PDS5B: variants seen among roughly 807,000 people sequenced by gnomAD.
PDS5B encodes the protein sister chromatid cohesion protein PDS5 homolog B.
A neutral mutation model predicts 184.1 loss-of-function variants in PDS5B; 51 were observed. The ratio of observed to expected loss-of-function variants is 0.28; its 90% CI spans 0.22 to 0.35. PDS5B has a LOEUF of 0.35. Among genes scored for constraint, PDS5B ranks in the 10% least tolerant of loss-of-function variants. The probability of loss-of-function intolerance (pLI) is 1.00; values close to 1 mark genes in which losing one functional copy is unlikely to be tolerated. For missense variants in PDS5B, 1,180 were observed against 1,723.3 expected (o/e 0.68, Z 5.58); for synonymous variants, 566 against 569.2 (o/e 0.99, Z 0.08).
chr13:32,677,526 A>C (rs1951104787), intron 9 of PDS5B, among the ~76,000 whole-genome samples: 1 of 152,074 alleles, frequency 6.6e-6, no homozygotes, highest in Admixed American at 6.6e-5. Context: ...TAGTATATTT[A>C]TTTTTAATTG....
At chr13:32,737,067 T>C (rs1334274599) in intron 21 of PDS5B, among the ~76,000 whole-genome samples, 1 of 152,222 alleles carries the variant, frequency 6.6e-6, no homozygotes, top group Non-Finnish European at 1.5e-5. Flanking sequence ...CTTGATCTCT[T>C]GTAACTTTTG....
chr13:32,685,328 G>A (rs1013872897), intron 11 of PDS5B, among the ~76,000 whole-genome samples: 3 of 152,294 alleles, frequency 2.0e-5, no homozygotes, highest in Admixed American at 6.5e-5. Flanking sequence ...GGGCCAAAAG[G>A]CATGAAGAGG....
intron 16 of PDS5B, 39 bp from the exon 17 acceptor site, chr13:32,701,284 A>T: frequency 9.5e-7 from 1 of 1,047,316 alleles, no homozygotes; most frequent in Non-Finnish European, 1.5e-6. Context: ...TGATTTGTTT[A>T]AATGTACTTT....
At chr13:32,615,687 G>T (rs1245549954) in intron 1 of PDS5B, among the ~76,000 whole-genome samples, 1 of 152,112 alleles carries the variant, frequency 6.6e-6, no homozygotes, top group African/African-American at 2.4e-5. Flanking sequence ...TTAAATTCCA[G>T]CTGTATCAAA....
intron 1 of PDS5B, among the ~76,000 whole-genome samples, chr13:32,619,997 C>T (rs546873638): frequency 6.6e-6 from 1 of 152,128 alleles, no homozygotes; most frequent in East Asian, 1.9e-4. Context: ...CAGGGTTTCA[C>T]TATGTTGGCC....
chr13:32,743,290 T>A (rs920180795), intron 23 of PDS5B, among the ~76,000 whole-genome samples: 1 of 147,032 alleles, frequency 6.8e-6, no homozygotes, highest in African/African-American at 2.5e-5. Context: ...TAAGTTGCTT[T>A]AACTTCTTGG....
chr13:32,678,532 G>A (rs1469047227), intron 9 of PDS5B, among the ~76,000 whole-genome samples: 1 of 152,142 alleles, frequency 6.6e-6, no homozygotes, highest in African/African-American at 2.4e-5. Flanking sequence ...AGATGTATTT[G>A]AGAGTATAAC....
chr13:32,771,058 G>T, intron 33 of PDS5B: 1 of 244,304 alleles, frequency 4.1e-6, no homozygotes, highest in Non-Finnish European at 7.7e-6. Flanking sequence ...ACCACACATT[G>T]ACCAGGTTGC....
chr13:32,589,174 C>G (rs2057735681), intron 1 of PDS5B, among the ~76,000 whole-genome samples: 2 of 152,170 alleles, frequency 1.3e-5, no homozygotes, highest in South Asian at 4.1e-4. Context: ...AAATTAGGTT[C>G]AGATTTTAAT....
At position 32,770,989 on chromosome 13, in the gene PDS5B, T is replaced by C. The variant is rs1032496442; in HGVS notation, c.4172+228T>C. On this transcript the variant is annotated intron_variant, in intron 33 of 34. Transcript: ENST00000315596. The stretch of plus-strand genomic sequence containing the variant: ...TCATAAATGAATACCAAATAGTATA[T>C]TATTTCCTATACAGACTTTATGATA... The C allele has an allele frequency of 1.4e-5, 7 of 511,684 alleles. No homozygotes were observed. In the Middle Eastern group the frequency reaches 1.6e-3, roughly 116 times the overall value. 31.7% of individuals were successfully genotyped at this position (511,684 alleles called of 1,614,324 possible).
At chr13:32,698,467 A>G (rs1182253503) in intron 15 of PDS5B, among the ~76,000 whole-genome samples, 1 of 152,158 alleles carries the variant, frequency 6.6e-6, no homozygotes, top group Non-Finnish European at 1.5e-5. Context: ...ACTTATAAAA[A>G]CATTCCATTT....
Position 32,639,196 on chromosome 13 carries a change from G to A in PDS5B, c.-19-9558G>A, listed in dbSNP as rs534462367. On this transcript the variant is annotated intron_variant, in intron 1 of 34. Coordinates refer to ENST00000315596, the MANE Select transcript of PDS5B (RefSeq NM_015032.4). Reference sequence around the variant, plus strand: ...GTGCGGTTAGAAACTGATGCAGGTCGAGATATTCCAGGGCCTGGGGCTCCT... The same window carrying A: ...GTGCGGTTAGAAACTGATGCAGGTCAAGATATTCCAGGGCCTGGGGCTCCT... 4.6e-5 allele frequency among the ~76,000 whole-genome samples: 7 copies of A among 152,212 alleles called. No individual in the cohort carries two copies. The South Asian group carries it at 1.2e-3, about 27-fold the overall frequency.
intron 13 of PDS5B, among the ~76,000 whole-genome samples, chr13:32,693,635 GT>G (rs1254746881): frequency 1.3e-5 from 2 of 150,002 alleles, no homozygotes; most frequent in African/African-American, 4.9e-5. Context: ...GTAACCAAGT[GT>G]TTCATTAATT....
chr13:32,659,713 G>A (rs1375387250), intron 6 of PDS5B, among the ~76,000 whole-genome samples: 1 of 152,112 alleles, frequency 6.6e-6, no homozygotes, highest in African/African-American at 2.4e-5. Flanking sequence ...TCTTGCCTGC[G>A]TGATTAATTA....
intron 26 of PDS5B, among the ~76,000 whole-genome samples, chr13:32,756,207 A>G (rs1056126090): frequency 1.1e-4 from 17 of 152,038 alleles, no homozygotes; most frequent in Admixed American, 9.2e-4. Context: ...TTCCTTTTCT[A>G]TTGAAGTAAT....
At chr13:32,588,509 AGG>A in intron 1 of PDS5B, among the ~76,000 whole-genome samples, 1 of 152,296 alleles carries the variant, frequency 6.6e-6, no homozygotes, top group African/African-American at 2.4e-5. Context: ...GTTTACTTAA[AGG>A]TATATTTTAA....
At chr13:32,692,441 T>G (rs1215575032) in intron 13 of PDS5B, among the ~76,000 whole-genome samples, 1 of 141,708 alleles carries the variant, frequency 7.1e-6, no homozygotes, top group African/African-American at 2.6e-5. Context: ...TTTTTTTTTT[T>G]TGAGATAGAG....
chr13:32,765,213 A>G (rs1344520120), intron 31 of PDS5B, among the ~76,000 whole-genome samples: 1 of 152,200 alleles, frequency 6.6e-6, no homozygotes, highest in African/African-American at 2.4e-5. Flanking sequence ...GTTTGTTTTG[A>G]CTTTACAGTT....
chr13:32,701,177 CTTT>C, intron 16 of PDS5B, 143 bp from the exon 17 acceptor site: 1 of 548,066 alleles, frequency 1.8e-6, no homozygotes. Context: ...TTAATTCAGT[CTTT>C]TTTTCTGGGC....
Sources: allele counts gnomAD v4.1 joint callset (sites outside exome capture counted in the v4.1 genomes callset), GRCh38; gene constraint gnomAD v4.1.1; transcripts MANE v1.5; gene names NCBI Gene and HGNC (gene_info 2026-07-23, HGNC 2026-07-21).